The following NTM variants were observed in gnomAD, a reference collection of about 807,000 sequenced individuals.
NTM encodes neurotrimin.
Under a neutral mutation model 42.1 loss-of-function variants are expected in NTM, and 13 were observed. That is an observed-to-expected ratio of 0.31 (90% CI 0.20 to 0.49). The LOEUF (loss-of-function observed/expected upper bound fraction) is 0.49, where lower values mean the gene tolerates loss of function less well. Among genes scored for constraint, NTM ranks in the 20% least tolerant of loss-of-function variants. The pLI, the probability that NTM is intolerant of heterozygous loss-of-function variation, is 0.99. For synonymous variants in NTM, 187 were observed against 179.2 expected, an observed-to-expected ratio of 1.04 and a Z score of -0.35; for missense variants, 373 against 452.8, an observed-to-expected ratio of 0.82 and a Z score of 1.60.
intron 2 of NTM, among the ~76,000 whole-genome samples, chr11:131,984,053 A>G (rs1269936623): frequency 6.6e-6 from 1 of 152,228 alleles, no homozygotes; most frequent in East Asian, 1.9e-4. Flanking sequence ...CCAAGAAAAA[A>G]TAGACACAGA....
intron 1 of NTM, among the ~76,000 whole-genome samples, chr11:131,472,093 A>G (rs982281638): frequency 1.1e-4 from 16 of 152,176 alleles, no homozygotes; most frequent in Non-Finnish European, 2.2e-4. Flanking sequence ...TTGTATAAAT[A>G]ACAATAAGCT....
At chr11:131,969,203 T>C (rs1231163920) in intron 2 of NTM, among the ~76,000 whole-genome samples, 1 of 152,172 alleles carries the variant, frequency 6.6e-6, no homozygotes. Context: ...TCCTCAAGGC[T>C]CAGTAGCTTA....
intron 1 of NTM, among the ~76,000 whole-genome samples, chr11:131,446,164 T>A (rs576143955): frequency 6.6e-6 from 1 of 152,334 alleles, no homozygotes; most frequent in African/African-American, 2.4e-5. Context: ...ATCAGAGATT[T>A]CCCAGCCTTC....
intron 1 of NTM, among the ~76,000 whole-genome samples, chr11:131,619,211 C>T (rs1043796431): frequency 3.9e-5 from 6 of 152,106 alleles, no homozygotes; most frequent in African/African-American, 1.2e-4. Context: ...TGGCAAAGCC[C>T]GAATAAGGAA....
chr11:131,676,420 A>C (rs891414714), intron 1 of NTM, among the ~76,000 whole-genome samples: 1 of 151,928 alleles, frequency 6.6e-6, no homozygotes, highest in Admixed American at 6.5e-5. Context: ...TTTTTCTAGC[A>C]CTGAGGGTGT....
At chr11:131,836,291 A>G (rs2043483164) in intron 1 of NTM, among the ~76,000 whole-genome samples, 1 of 152,120 alleles carries the variant, frequency 6.6e-6, no homozygotes, top group Non-Finnish European at 1.5e-5. Context: ...TGAAATTCTA[A>G]TTCTGTTGAA....
intron 1 of NTM, among the ~76,000 whole-genome samples, chr11:131,598,744 T>TTTC (rs1565685492): frequency 1.3e-4 from 10 of 78,470 alleles, no homozygotes; most frequent in African/African-American, 1.8e-4. Flanking sequence ...TCTTTCTTTC[T>TTTC]TTCTTTCTTT....
intron 1 of NTM, among the ~76,000 whole-genome samples, chr11:131,643,146 CCT>C (rs1019481968): frequency 9.9e-5 from 15 of 152,006 alleles, no homozygotes; most frequent in Non-Finnish European, 5.9e-5. Flanking sequence ...CATCCGAGCC[CCT>C]GTCGTTATTT....
chr11:131,561,111 G>C (rs963018222), intron 1 of NTM, among the ~76,000 whole-genome samples: 6 of 152,224 alleles, frequency 3.9e-5, no homozygotes, highest in African/African-American at 1.2e-4. Flanking sequence ...AGCGCAGTCA[G>C]GCTTTTACCG....
intron 1 of NTM, among the ~76,000 whole-genome samples, chr11:131,843,371 A>C (rs1194722874): frequency 6.6e-6 from 1 of 152,210 alleles, no homozygotes; most frequent in Non-Finnish European, 1.5e-5. Flanking sequence ...AAATGGTCTC[A>C]GTCTGGTTAG....
At chr11:132,197,464 G>GC (rs2080431020) in intron 3 of NTM, among the ~76,000 whole-genome samples, 1 of 146,392 alleles carries the variant, frequency 6.8e-6, no homozygotes, top group Non-Finnish European at 1.5e-5. Flanking sequence ...ATTAGGTATT[G>GC]TTTTTTTTTT....
chr11:132,194,799 CA>C (rs1350960998), intron 3 of NTM, among the ~76,000 whole-genome samples: 1 of 148,256 alleles, frequency 6.7e-6, no homozygotes, highest in Non-Finnish European at 1.5e-5. Context: ...GTACACAAAT[CA>C]GTAGCATTTC....
intron 1 of NTM, among the ~76,000 whole-genome samples, chr11:131,764,469 C>G (rs1181840546): frequency 6.6e-6 from 1 of 152,072 alleles, no homozygotes; most frequent in Non-Finnish European, 1.5e-5. Context: ...AAGCAGCTGT[C>G]GAACTGTTGG....
chr11:131,529,363 G>A (rs1280565256), intron 1 of NTM, among the ~76,000 whole-genome samples: 2 of 152,210 alleles, frequency 1.3e-5, no homozygotes, highest in Non-Finnish European at 2.9e-5. Flanking sequence ...GTAAACATGT[G>A]TACATGCTTG....
intron 1 of NTM, among the ~76,000 whole-genome samples, chr11:131,805,999 GA>G (rs2092461931): frequency 6.6e-6 from 1 of 152,182 alleles, no homozygotes; most frequent in African/African-American, 2.4e-5. Flanking sequence ...TTTTCTATGG[GA>G]AAATCAGATT....
chr11:131,884,712 G>A (rs1020540545), intron 1 of NTM, among the ~76,000 whole-genome samples: 8 of 152,114 alleles, frequency 5.3e-5, no homozygotes, highest in East Asian at 3.9e-4. Flanking sequence ...GGGGCCATTC[G>A]GGAAGAGGCT....
chr11:131,417,158 C>T (rs1026248579), intron 1 of NTM, among the ~76,000 whole-genome samples: 1 of 152,210 alleles, frequency 6.6e-6, no homozygotes, highest in African/African-American at 2.4e-5. Context: ...ATCCTGACAA[C>T]CTCATGACAA....
At position 131,438,657 on chromosome 11, in the gene NTM, CT is replaced by C. The variant is rs563736694; in HGVS notation, c.82+67770del. The stretch of plus-strand genomic sequence containing the variant: ...TGGGTCATTTAAGGTCTTCTTCACA[CT>C]GTTTATTGTAGTTAGCCATTCGTCT... On this transcript the variant is annotated intron_variant, in intron 1 of 8. Transcript: ENST00000683400. Among the ~76,000 whole-genome samples, 410 of 152,290 alleles carry C rather than the reference CT, an allele frequency of 2.7e-3. 2 individuals are homozygous for C. The highest frequency in any genetic ancestry group is 8.3e-3 in the African/African-American group (345 of 41,554).
intron 3 of NTM, among the ~76,000 whole-genome samples, chr11:132,200,247 G>A (rs189840327): frequency 2.6e-5 from 4 of 152,252 alleles, no homozygotes; most frequent in South Asian, 2.1e-4. Context: ...ATTCAAGGTC[G>A]GATAATGAGA....
Sources: allele counts gnomAD v4.1 joint callset (sites outside exome capture counted in the v4.1 genomes callset), GRCh38; gene constraint gnomAD v4.1.1; transcripts MANE v1.5; gene names NCBI Gene and HGNC (gene_info 2026-07-23, HGNC 2026-07-21).